The following WNK1 variants were observed in gnomAD, a reference collection of about 807,000 sequenced individuals.
The protein encoded by WNK1 is serine/threonine-protein kinase WNK1.
In WNK1, 38 loss-of-function variants were observed where a neutral mutation model predicts 222.8. That is an observed-to-expected ratio of 0.17 (90% CI 0.13 to 0.22). The LOEUF is 0.22. Ranked by LOEUF, WNK1 falls within the 10% of genes least tolerant of loss-of-function variation. The pLI is 1.00. For synonymous variants in WNK1, 1,090 were observed against 1,092.9 expected (o/e 1.00, Z 0.05); for missense variants, 2,348 against 2,918.4 (o/e 0.80, Z 4.50).
At chr12:898,777 T>C (rs1954969548) in intron 25 of WNK1, among the ~76,000 whole-genome samples, 2 of 152,064 alleles carry the variant, frequency 1.3e-5, no homozygotes, top group African/African-American at 4.8e-5. Flanking sequence ...TCCCGCTCTG[T>C]TGCCCAGGCT....
chr12:850,200 C>G (rs1456421193), intron 4 of WNK1, among the ~76,000 whole-genome samples: 2 of 152,208 alleles, frequency 1.3e-5, no homozygotes, highest in African/African-American at 4.8e-5. Flanking sequence ...TAAAAGTGTT[C>G]CTATTTCTCC....
At chr12:811,031 T>C (rs926445385) in intron 1 of WNK1, among the ~76,000 whole-genome samples, 2 of 152,148 alleles carry the variant, frequency 1.3e-5, no homozygotes, top group African/African-American at 4.8e-5. Flanking sequence ...CAGCTTTAGT[T>C]TATATTGAAG....
chr12:754,727 C>A (rs1483266518), intron 1 of WNK1, among the ~76,000 whole-genome samples: 1 of 152,150 alleles, frequency 6.6e-6, no homozygotes, highest in African/African-American at 2.4e-5. Context: ...GTTTTCATTC[C>A]TGAGATCAGG....
intron 1 of WNK1, among the ~76,000 whole-genome samples, chr12:802,806 A>G (rs2153994446): frequency 6.6e-6 from 1 of 152,324 alleles, no homozygotes; most frequent in East Asian, 1.9e-4. Context: ...TGGACAGTAA[A>G]TGAGATAGAT....
At chr12:817,491 T>C (rs192767912) in intron 2 of WNK1, among the ~76,000 whole-genome samples, 5 of 152,314 alleles carry the variant, frequency 3.3e-5, no homozygotes, top group Admixed American at 3.3e-4. Flanking sequence ...TTGGCAGCAT[T>C]TGGAGAGGCA....
intron 26 of WNK1, chr12:901,582 C>T (rs1405952759): frequency 3.9e-6 from 5 of 1,289,120 alleles, no homozygotes; most frequent in Non-Finnish European, 5.1e-6. Flanking sequence ...TTTAACTGTG[C>T]ATCTGAACAG....
chr12:854,708 T>G (rs145578072), intron 4 of WNK1, among the ~76,000 whole-genome samples: 2 of 152,278 alleles, frequency 1.3e-5, no homozygotes, highest in East Asian at 3.9e-4. Flanking sequence ...TGTAGAAAAC[T>G]AAAACCAAAT....
chr12:899,544 A>G lies in WNK1; in HGVS notation c.6449-932A>G, dbSNP rs184923429. On this transcript the variant is annotated intron_variant, in intron 25 of 27. Coordinates refer to ENST00000315939, the MANE Select transcript of WNK1 (RefSeq NM_018979.4). Reference sequence around the variant, plus strand: ...GTGATCCGCCCGCCTCAGCCTCCCAAAGTGCGGATTACAGGCATGAGCCAC... The same window carrying G: ...GTGATCCGCCCGCCTCAGCCTCCCAGAGTGCGGATTACAGGCATGAGCCAC... Among the ~76,000 whole-genome samples, 198 of 152,152 alleles carry G rather than the reference A, an allele frequency of 1.3e-3. 3 individuals are homozygous for G. The highest frequency in any genetic ancestry group is 2.5e-4 in the Non-Finnish European group (17 of 68,002).
At chr12:902,764 G>T (rs529471557) in intron 26 of WNK1, among the ~76,000 whole-genome samples, 17 of 152,302 alleles carry the variant, frequency 1.1e-4, no homozygotes, top group Non-Finnish European at 2.5e-4. Context: ...AACAGGTAGC[G>T]CTTGAAAAGC....
intron 26 of WNK1, among the ~76,000 whole-genome samples, chr12:904,797 G>A (rs562693366): frequency 1.3e-5 from 2 of 152,210 alleles, no homozygotes; most frequent in South Asian, 2.1e-4. Flanking sequence ...AATATGTGCC[G>A]GGCAGTGTTA....
chr12:812,062 G>A (rs888990439), intron 1 of WNK1, among the ~76,000 whole-genome samples: 1 of 152,146 alleles, frequency 6.6e-6, no homozygotes, highest in Non-Finnish European at 1.5e-5. Context: ...TGGCAAAGAA[G>A]TCCCCCGTTT....
At chr12:772,448 TA>T (rs1942638548) in intron 1 of WNK1, among the ~76,000 whole-genome samples, 1 of 151,870 alleles carries the variant, frequency 6.6e-6, no homozygotes, top group Admixed American at 6.6e-5. Flanking sequence ...TGTGTATGTA[TA>T]GGGGTGTGTG....
At chr12:782,455 T>C (rs1299833350) in intron 1 of WNK1, among the ~76,000 whole-genome samples, 1 of 152,206 alleles carries the variant, frequency 6.6e-6, no homozygotes, top group African/African-American at 2.4e-5. Flanking sequence ...GAAGGCTTAG[T>C]TGAATAACAT....
intron 4 of WNK1, among the ~76,000 whole-genome samples, chr12:838,823 T>A (rs1949400709): frequency 6.6e-6 from 1 of 152,138 alleles, no homozygotes; most frequent in African/African-American, 2.4e-5. Context: ...TCCAAAAAAA[T>A]TCATATTGTA....
chr12:908,770 G>A lies in WNK1; in HGVS notation c.7127G>A (p.Gly2376Asp), dbSNP rs760116094. 2 of 1,391,326 alleles carry A rather than the reference G, an allele frequency of 1.4e-6. No homozygotes were observed. Among genetic ancestry groups the A allele is most frequent in the Non-Finnish European group, 9.6e-7 (1 of 1,042,308 alleles). The allele number at this position is 1,391,326 out of a possible 1,614,324, so 86.2% of individuals were successfully genotyped here. Residue 2376 changes from glycine (G) to aspartate (D), a missense_variant, in exon 28 of 28, where the codon GGC becomes GAC. Physicochemically the swap from Gly to Asp is moderately conservative, Grantham distance 94. This residue lies in a region of WNK1 where 76 missense variants were observed against 85.7 expected (regional missense o/e 0.89). Coordinates refer to ENST00000315939, the MANE Select transcript of WNK1 (RefSeq NM_018979.4). ...CAGAAATCCATCAGCAACCCCCCAG[G>A]CTCCAACCTGCGGACCACTTAGACC... ...NLQKSISNPP[G>D]SNLRTT
intron 9 of WNK1, among the ~76,000 whole-genome samples, chr12:872,828 G>A (rs17800834): frequency 1.3e-5 from 2 of 152,030 alleles, no homozygotes; most frequent in Non-Finnish European, 1.5e-5. Context: ...GTAGTCATTC[G>A]ATACTGGTTT....
chr12:758,546 C>CA (rs1940558545), intron 1 of WNK1, among the ~76,000 whole-genome samples: 2 of 143,942 alleles, frequency 1.4e-5, no homozygotes, highest in Non-Finnish European at 3.1e-5. Flanking sequence ...CGCCACCGTG[C>CA]CCGGCTAATT....
chr12:786,826 T>C (rs1337667958), intron 1 of WNK1, among the ~76,000 whole-genome samples: 1 of 152,190 alleles, frequency 6.6e-6, no homozygotes, highest in Non-Finnish European at 1.5e-5. Context: ...TAAACAGTGT[T>C]TAGACTTTTT....
intron 9 of WNK1, among the ~76,000 whole-genome samples, chr12:875,369 C>T (rs556450514): frequency 2.0e-5 from 3 of 152,078 alleles, no homozygotes; most frequent in Non-Finnish European, 2.9e-5. Context: ...TGAACAACAA[C>T]AAACCAAAAA....
Sources: allele counts gnomAD v4.1 joint callset (sites outside exome capture counted in the v4.1 genomes callset), GRCh38; gene constraint gnomAD v4.1.1; regional missense constraint gnomAD v4.1.1; transcripts MANE v1.5; gene names NCBI Gene and HGNC (gene_info 2026-07-23, HGNC 2026-07-21).